The following FLRT3 variants were observed in gnomAD, a reference collection of about 807,000 sequenced individuals.
FLRT3 encodes fibronectin leucine rich transmembrane protein 3, also known as leucine-rich repeat transmembrane protein FLRT3.
Under a neutral mutation model 42.6 loss-of-function variants are expected in FLRT3, and 17 were observed. The ratio of observed to expected loss-of-function variants is 0.40; its 90% confidence interval spans 0.27 to 0.60. FLRT3 has a LOEUF of 0.60. Ranked by LOEUF, FLRT3 falls within the 20% of genes least tolerant of loss-of-function variation. The pLI is 0.44. For missense variants in FLRT3, 635 were observed against 789.2 expected (o/e 0.80, Z 2.34); for synonymous variants, 279 against 286.4 (o/e 0.97, Z 0.26).
chr20:14,326,048 G>T lies in FLRT3; in HGVS notation c.1459C>A (p.Leu487Ile), dbSNP rs750329954. The change falls in exon 3 of 3, where the codon CTC (leucine) becomes ATC (isoleucine). Residue 487 changes from leucine to isoleucine, a missense_variant. Transcript: ENST00000341420. The surrounding 1 kb of genome is among the most constrained non-coding windows in gnomAD (Gnocchi z 5.5). ...VCMVPMETSN[L>I]YLFDETPVCI... ...ACAGGAGTTTCATCAAATAGGTAGA[G>T]GTTGCTGGTTTCCATGGGAACCATG... is the stretch of plus-strand genomic sequence containing the variant. 3.7e-6 allele frequency: 6 copies of T among 1,613,838 alleles called. No homozygotes were observed. In the South Asian group the frequency reaches 6.6e-5, roughly 18 times the overall value.
chr20:14,331,371 A>G (rs974796305), intron 1 of FLRT3, among the ~76,000 whole-genome samples: 1 of 152,088 alleles, frequency 6.6e-6, no homozygotes, highest in Non-Finnish European at 1.5e-5. Flanking sequence ...CCTGTTTTAC[A>G]TTTGTGAAGC....
At position 14,324,841 on chromosome 20, in the gene FLRT3, A is replaced by T. The variant is rs903695572; in HGVS notation, c.*716T>A. 6 of 152,184 alleles carry T rather than the reference A, an allele frequency of 3.9e-5. No homozygotes were observed. Among genetic ancestry groups the T allele is most frequent in the African/African-American group, 1.4e-4 (6 of 41,412 alleles). 9.4% of individuals were successfully genotyped at this position (152,184 alleles called of 1,614,324 possible). A position where few individuals can be genotyped will look rare whatever the true frequency, so the allele number is the denominator to read the frequency against. ...CATTACCGTTTTTGTGAAGTCCTTT[A>T]TTTTCAAAGCTTTGCTGACAATGGC... On this transcript the variant is annotated 3_prime_UTR_variant, in exon 3 of 3. Coordinates refer to ENST00000341420, the MANE Select transcript of FLRT3 (RefSeq NM_198391.3).
At chr20:14,331,497 T>C (rs1162396976) in intron 1 of FLRT3, among the ~76,000 whole-genome samples, 2 of 152,100 alleles carry the variant, frequency 1.3e-5, no homozygotes, top group Non-Finnish European at 2.9e-5. Context: ...AAAATGTCAT[T>C]CTCTTCTCCC....
At chr20:14,330,498 A>G (rs1010953324) in intron 1 of FLRT3, among the ~76,000 whole-genome samples, 3 of 152,110 alleles carry the variant, frequency 2.0e-5, no homozygotes, top group African/African-American at 7.2e-5. Flanking sequence ...CTGAACGAGT[A>G]TGTTAAATAA....
chr20:14,327,281 G>T lies in FLRT3; in HGVS notation c.226C>A (p.Pro76Thr), dbSNP rs781107102. 1.2e-6 allele frequency: 2 copies of T among 1,613,802 alleles called. No homozygotes were observed. The highest frequency in any genetic ancestry group is 2.2e-5 in the South Asian group (2 of 91,078). ...TTCAGCAAGTTTTTCAAATCTGAAG[G>T]AATCCCAGCATTATTTATTTGGTTG... ...QNNQINNAGIPSDLKNLLKVE... is the reference protein window; with the variant it reads ...QNNQINNAGITSDLKNLLKVE... Residue 76 changes from proline (P) to threonine (T), a missense_variant, in exon 3 of 3, where the codon CCT (proline) becomes ACT (threonine). Physicochemically the swap from Pro to Thr is conservative, Grantham distance 38. Coordinates refer to ENST00000341420, the MANE Select transcript of FLRT3 (RefSeq NM_198391.3).
At chr20:14,335,546 A>G (rs2082920423) in intron 1 of FLRT3, among the ~76,000 whole-genome samples, 1 of 152,106 alleles carries the variant, frequency 6.6e-6, no homozygotes, top group African/African-American at 2.4e-5. Context: ...TAAAAACTTT[A>G]TTTGCTATCC....
chr20:14,330,358 G>C (rs1704204993), intron 1 of FLRT3, among the ~76,000 whole-genome samples: 1 of 151,934 alleles, frequency 6.6e-6, no homozygotes, highest in African/African-American at 2.4e-5. Context: ...ATATATGTAG[G>C]GAACATTTGA....
rs994971694 is a variant in FLRT3, at chr20:14,337,586, G to A, written c.-429C>T. On this transcript the variant is annotated 5_prime_UTR_variant, in exon 1 of 3. Coordinates refer to ENST00000341420, the MANE Select transcript of FLRT3 (RefSeq NM_198391.3). ...ATCACTCCTACACTGAGGAGTGAGC[G>A]AGGGAGAGCATTCCAGTTTACTGCA... The A allele has an allele frequency of 1.0e-5, 4 of 398,460 alleles. 1 individual carries two copies. The highest frequency in any genetic ancestry group is 7.1e-5 in the East Asian group (2 of 28,084). 24.7% of individuals were successfully genotyped at this position (398,460 alleles called of 1,614,324 possible). A position where few individuals can be genotyped will look rare whatever the true frequency, so the allele number is the denominator to read the frequency against.
intron 1 of FLRT3, among the ~76,000 whole-genome samples, chr20:14,330,310 G>A (rs372824508): frequency 1.3e-5 from 2 of 151,896 alleles, no homozygotes; most frequent in Non-Finnish European, 1.5e-5. Flanking sequence ...AGTAATATTC[G>A]AATTGGTTAT....
At chr20:14,337,266 C>T (rs1240065985) in intron 1 of FLRT3, 138 bp downstream of exon 1, 2 of 240,726 alleles carry the variant, frequency 8.3e-6, no homozygotes, top group Non-Finnish European at 1.6e-5. Context: ...GGCTTGCACG[C>T]ACATATATTG....
rs2082723039 is a variant in FLRT3, at chr20:14,325,801, C to A, written c.1706G>T (p.Arg569Met). The A allele has an allele frequency of 6.2e-7, 1 of 1,613,802 alleles. No homozygotes were observed. Among genetic ancestry groups the A allele is most frequent in the African/African-American group, 1.3e-5 (1 of 74,900 alleles). Residue 569 changes from arginine to methionine, a missense_variant, in exon 3 of 3, where the codon AGG becomes ATG. Coordinates refer to ENST00000341420, the MANE Select transcript of FLRT3 (RefSeq NM_198391.3). The part of the protein sequence containing the change: ...FSRNCAYSKG[R>M]RRKDDYAEAG... ...TTCTGCATAGTCATCCTTTCTTCTC[C>A]TCCCTTTGCTATATGCACAGTTCCT...
At position 14,324,700 on chromosome 20, in the gene FLRT3, A is replaced by G. The variant is rs912686930; in HGVS notation, c.*857T>C. 3.9e-5 allele frequency: 6 copies of G among 152,172 alleles called. No individual in the cohort carries two copies. Among genetic ancestry groups the G allele is most frequent in the African/African-American group, 1.2e-4 (5 of 41,454 alleles). 9.4% of individuals were successfully genotyped at this position (152,172 alleles called of 1,614,324 possible). A position where few individuals can be genotyped will look rare whatever the true frequency, so the allele number is the denominator to read the frequency against. On this transcript the variant is annotated 3_prime_UTR_variant, in exon 3 of 3. Transcript: ENST00000341420. ...TATAATTCACTTTTCAAAAATCAGG[A>G]TGGTATAGGCAAAACCAAAATGCAG...
chr20:14,331,609 G>T (rs1486069346), intron 1 of FLRT3, among the ~76,000 whole-genome samples: 3 of 152,078 alleles, frequency 2.0e-5, no homozygotes, highest in African/African-American at 7.2e-5. Context: ...ACTCTCATAT[G>T]CCCCTGCTCC....
rs1239938852 is a variant in FLRT3, at chr20:14,326,416, A to G, written c.1091T>C (p.Ile364Thr). The G allele has an allele frequency of 2.5e-6, 4 of 1,613,856 alleles. No individual in the cohort carries two copies. The highest frequency in any genetic ancestry group is 3.4e-6 in the Non-Finnish European group (4 of 1,179,868). ...GTTGGGTATTGCAGTGGTTATCTGA[A>G]TGGTGCTTACAATCCCACTGTCCTT... ...DCKDSGIVST[I>T]QITTAIPNTV... Residue 364 changes from isoleucine (I) to threonine (T), a missense_variant, in exon 3 of 3, where the codon ATT becomes ACT. Ile to Thr is a moderately conservative substitution (Grantham distance 89). Coordinates refer to ENST00000341420, the MANE Select transcript of FLRT3 (RefSeq NM_198391.3). This position sits in a 1 kb window ranked among gnomAD's most constrained non-coding sequence, Gnocchi z 5.5.
chr20:14,334,295 A>G lies in FLRT3; in HGVS notation c.-247+3109T>C, dbSNP rs148669890. Among the ~76,000 whole-genome samples, 112 of 152,288 alleles carry G rather than the reference A, an allele frequency of 7.4e-4. 1 individual carries two copies. The highest frequency in any genetic ancestry group is 2.6e-3 in the African/African-American group (110 of 41,562). The stretch of plus-strand genomic sequence containing the variant: ...TGTCGATCTGTATTTTGAAACTGGA[A>G]AATACTTTTTGAAATGTGTATACCT... On this transcript the variant is annotated intron_variant, in intron 1 of 2. Coordinates refer to ENST00000341420, the MANE Select transcript of FLRT3 (RefSeq NM_198391.3).
chr20:14,335,404 C>G (rs2082918405), intron 1 of FLRT3, among the ~76,000 whole-genome samples: 1 of 152,210 alleles, frequency 6.6e-6, no homozygotes. Context: ...CACACTGCTT[C>G]ATTTAGCTCT....
chr20:14,336,905 C>G (rs1239873034), intron 1 of FLRT3, among the ~76,000 whole-genome samples: 1 of 152,184 alleles, frequency 6.6e-6, no homozygotes, highest in Admixed American at 6.5e-5. Flanking sequence ...TTTACAGAGG[C>G]ACATAAGTCT....
At chr20:14,328,143 A>G (rs761885962) in intron 2 of FLRT3, among the ~76,000 whole-genome samples, 5 of 152,076 alleles carry the variant, frequency 3.3e-5, no homozygotes, top group Non-Finnish European at 5.9e-5. Flanking sequence ...TTGATTATTA[A>G]TGTCATTTCA....
At position 14,327,320 on chromosome 20, in the gene FLRT3, G is replaced by A; in HGVS notation, c.187C>T (p.Leu63Phe). The A allele has an allele frequency of 3.7e-6, 6 of 1,613,834 alleles. No individual in the cohort carries two copies. Among genetic ancestry groups the A allele is most frequent in the Non-Finnish European group, 3.4e-6 (4 of 1,179,782 alleles). ...PTGIPEDATT[L>F]YLQNNQINNA... The stretch of plus-strand genomic sequence containing the variant: ...TTTATTTGGTTGTTCTGAAGGTAGA[G>A]AGTTGTAGCATCCTCTGGTATTCCT... Residue 63 changes from leucine to phenylalanine, a missense_variant, in exon 3 of 3, where the codon CTC (leucine) becomes TTC (phenylalanine). Coordinates refer to ENST00000341420, the MANE Select transcript of FLRT3 (RefSeq NM_198391.3).
Sources: gnomAD v4.1 joint callset for allele counts (sites outside exome capture counted in the v4.1 genomes callset) on GRCh38, gnomAD v4.1.1 for gene constraint, Gnocchi (gnomAD v3.1) non-coding constraint, MANE v1.5 for transcripts, NCBI Gene and HGNC (gene_info 2026-07-23, HGNC 2026-07-21) for gene names.